The following CDK6 variants were observed in gnomAD, a reference collection of about 807,000 sequenced individuals.
CDK6 encodes the protein cyclin dependent kinase 6.
A neutral mutation model predicts 37.1 loss-of-function variants in CDK6; 6 were observed. That is an observed-to-expected ratio of 0.16 (90% confidence interval 0.09 to 0.32). The LOEUF is 0.32. Among genes scored for constraint, CDK6 ranks in the 10% least tolerant of loss-of-function variants. CDK6 has a pLI of 1.00. For synonymous variants in CDK6, 160 were observed against 161.3 expected (o/e 0.99, Z 0.06); for missense variants, 224 against 418.9 (o/e 0.53, Z 4.06).
rs549601191 is a variant in CDK6, at chr7:92,765,837, A to G, written c.369+8859T>C. ...AGATAAAATAGGATAATGTGGTGTA[A>G]TGTGATAAACTATAACTAGATGTGG... On this transcript the variant is annotated intron_variant, in intron 3 of 7. Coordinates refer to ENST00000424848, the MANE Select transcript of CDK6 (RefSeq NM_001145306.2). Among the ~76,000 whole-genome samples the G allele has an allele frequency of 2.0e-5, 3 of 152,364 alleles. No individual in the cohort carries two copies. In the South Asian group the frequency reaches 6.2e-4, roughly 32 times the overall value.
At chr7:92,798,678 A>T (rs1208677112) in intron 2 of CDK6, among the ~76,000 whole-genome samples, 1 of 152,130 alleles carries the variant, frequency 6.6e-6, no homozygotes, top group Non-Finnish European at 1.5e-5. Context: ...TGACCACTTT[A>T]AAGTCTTCCA....
At chr7:92,826,034 G>A (rs995433321) in intron 2 of CDK6, among the ~76,000 whole-genome samples, 10 of 152,036 alleles carry the variant, frequency 6.6e-5, no homozygotes, top group Non-Finnish European at 1.3e-4. Flanking sequence ...ATGCAGATCC[G>A]TTCTCCCTCC....
chr7:92,770,661 A>G (rs556703858), intron 3 of CDK6, among the ~76,000 whole-genome samples: 1 of 152,286 alleles, frequency 6.6e-6, no homozygotes, highest in South Asian at 2.1e-4. Flanking sequence ...CTCTTTTCTA[A>G]CAAACGTGTT....
intron 3 of CDK6, among the ~76,000 whole-genome samples, chr7:92,726,278 T>A (rs1268801548): frequency 6.6e-6 from 1 of 152,174 alleles, no homozygotes; most frequent in Non-Finnish European, 1.5e-5. Context: ...CATTGTCCAC[T>A]TAGTAAATAA....
chr7:92,773,117 C>T (rs55683154), intron 3 of CDK6, among the ~76,000 whole-genome samples: 3,553 of 152,040 alleles, frequency 0.023, 60 homozygotes, highest in Non-Finnish European at 0.039. Context: ...TTACTTTGTA[C>T]CTATGTGTAT....
At chr7:92,657,630 C>T (rs1796726270) in intron 5 of CDK6, among the ~76,000 whole-genome samples, 1 of 152,162 alleles carries the variant, frequency 6.6e-6, no homozygotes, top group Admixed American at 6.5e-5. Context: ...AAAGGAAACC[C>T]ACAGTGAATT....
intron 4 of CDK6, among the ~76,000 whole-genome samples, chr7:92,713,150 C>A (rs1161717341): frequency 6.6e-6 from 1 of 152,138 alleles, no homozygotes; most frequent in East Asian, 1.9e-4. Flanking sequence ...TGAGCCACTG[C>A]GCCCGGTTGA....
intron 5 of CDK6, among the ~76,000 whole-genome samples, chr7:92,637,912 T>C (rs910038150): frequency 2.2e-4 from 34 of 152,108 alleles, no homozygotes; most frequent in Admixed American, 1.4e-3. Flanking sequence ...AAAATGAAAG[T>C]TTGTGCTGTG....
intron 4 of CDK6, among the ~76,000 whole-genome samples, chr7:92,712,874 GTATGTATT>G (rs1210089365): frequency 6.8e-6 from 1 of 147,866 alleles, no homozygotes; most frequent in Non-Finnish European, 1.5e-5. Flanking sequence ...ATGTATGTAT[GTATGTATT>G]TATTTATTTG....
chr7:92,626,871 A>C (rs1795939560), intron 5 of CDK6, among the ~76,000 whole-genome samples: 1 of 152,060 alleles, frequency 6.6e-6, no homozygotes, highest in Non-Finnish European at 1.5e-5. Flanking sequence ...TTTAGTTTTA[A>C]ATATTTTCCT....
Position 92,614,142 on chromosome 7 carries a change from GGAAA to G in CDK6, c.*994_*997del. ...GAGAACTACTCTCCAAACCAAAACAGGAAAGAGTTTCTGACAAATTCCTAAAAAC... is the reference window on the plus strand; with the variant it reads ...GAGAACTACTCTCCAAACCAAAACAGGAGTTTCTGACAAATTCCTAAAAAC... On this transcript the variant is annotated 3_prime_UTR_variant, in exon 8 of 8. Coordinates refer to ENST00000424848, the MANE Select transcript of CDK6 (RefSeq NM_001145306.2). The G allele has an allele frequency of 4.3e-6, 1 of 232,864 alleles. No homozygotes were observed. 14.4% of individuals were successfully genotyped at this position (232,864 alleles called of 1,614,324 possible). A position where few individuals can be genotyped will look rare whatever the true frequency, so the allele number is the denominator to read the frequency against.
At chr7:92,742,206 A>G (rs1385803012) in intron 3 of CDK6, among the ~76,000 whole-genome samples, 2 of 152,220 alleles carry the variant, frequency 1.3e-5, no homozygotes, top group African/African-American at 2.4e-5. Flanking sequence ...AGCTTAATCA[A>G]AAGTTTAAAG....
chr7:92,715,458 T>C (rs1798208422), intron 4 of CDK6, among the ~76,000 whole-genome samples: 1 of 152,192 alleles, frequency 6.6e-6, no homozygotes, highest in Non-Finnish European at 1.5e-5. Context: ...TGAAGGTAGA[T>C]TATTCCTCCA....
intron 3 of CDK6, among the ~76,000 whole-genome samples, chr7:92,740,864 G>A (rs762851855): frequency 7.2e-5 from 11 of 151,984 alleles, no homozygotes; most frequent in Non-Finnish European, 1.3e-4. Context: ...TCCTCACCTC[G>A]TGCCCAGGTA....
intron 6 of CDK6, among the ~76,000 whole-genome samples, chr7:92,619,148 T>C (rs1426103557): frequency 6.6e-6 from 1 of 152,194 alleles, no homozygotes; most frequent in Non-Finnish European, 1.5e-5. Flanking sequence ...CAATTATCAA[T>C]CAATACACTG....
chr7:92,669,104 C>A (rs530429499), intron 5 of CDK6, among the ~76,000 whole-genome samples: 1 of 152,346 alleles, frequency 6.6e-6, no homozygotes, highest in African/African-American at 2.4e-5. Flanking sequence ...ATATTTGAGT[C>A]CTACTTCTCA....
intron 3 of CDK6, among the ~76,000 whole-genome samples, chr7:92,770,464 C>G (rs1348236924): frequency 6.6e-6 from 1 of 151,888 alleles, no homozygotes; most frequent in Non-Finnish European, 1.5e-5. Flanking sequence ...ATTAAAGTCC[C>G]ACATGAGCAC....
At chr7:92,616,921 TC>T (rs1224858609) in intron 7 of CDK6, among the ~76,000 whole-genome samples, 2 of 152,222 alleles carry the variant, frequency 1.3e-5, no homozygotes, top group South Asian at 2.1e-4. Flanking sequence ...GTGTTTAAGT[TC>T]TATTATTGCT....
intron 5 of CDK6, among the ~76,000 whole-genome samples, chr7:92,648,752 TG>T (rs1181059579): frequency 5.3e-5 from 8 of 152,220 alleles, no homozygotes; most frequent in African/African-American, 1.9e-4. Context: ...GAAGAACTAC[TG>T]GGAAAAATCA....
Sources: gnomAD v4.1 joint callset for allele counts (sites outside exome capture counted in the v4.1 genomes callset) on GRCh38, gnomAD v4.1.1 for gene constraint, MANE v1.5 for transcripts, NCBI Gene and HGNC (gene_info 2026-07-23, HGNC 2026-07-21) for gene names.